MEGF6: variants seen among roughly 807,000 people sequenced by gnomAD.
MEGF6 encodes the protein multiple EGF like domains 6, also known as multiple epidermal growth factor-like domains protein 6.
Under a neutral mutation model 207.1 loss-of-function variants are expected in MEGF6, and 184 were observed. That is an observed-to-expected ratio of 0.89 (90% CI 0.79 to 1.00). The LOEUF is 1.00. Ranked by LOEUF, MEGF6 falls within the 50% of genes least tolerant of loss-of-function variation. The pLI, the probability that MEGF6 is intolerant of heterozygous loss-of-function variation, is 0.00. For synonymous variants in MEGF6, 1,038 were observed against 910.0 expected, an observed-to-expected ratio of 1.14 and a Z score of -2.53; for missense variants, 2,282 against 2,202.9, an observed-to-expected ratio of 1.04 and a Z score of -0.72.
intron 24 of MEGF6, 39 bp downstream of exon 24, chr1:3,499,099 G>A (rs1352287864): frequency 1.9e-6 from 3 of 1,592,756 alleles, no homozygotes; most frequent in East Asian, 2.3e-5. Flanking sequence ...CCTCGCTCAG[G>A]CCTGGACCCC....
At chr1:3,510,215 G>A (rs1416754859) in intron 10 of MEGF6, among the ~76,000 whole-genome samples, 1 of 152,134 alleles carries the variant, frequency 6.6e-6, no homozygotes, top group Non-Finnish European at 1.5e-5. Context: ...GCTAGGGGGG[G>A]CCAGGCTGGG....
In MEGF6 at chr1:3,602,636, A is replaced by C. The variant is rs745931320; in HGVS notation, c.132-36T>G. The C allele has an allele frequency of 1.3e-5, 21 of 1,569,992 alleles. No individual in the cohort carries two copies. The East Asian group carries it at 3.6e-4, about 27-fold the overall frequency. ...GACACGGAGAGTCAGCGCCTCGGCC[A>C]CCCCCAGCCGGCAACACCCACCCCT... On this transcript the variant is annotated intron_variant, in intron 1 of 36. Transcript: ENST00000356575.
rs530123735 is a variant in MEGF6 at position 3,500,886 on chromosome 1, G to A, written c.2575+80C>T. On this transcript the variant is annotated intron_variant, in intron 20 of 36. Coordinates refer to ENST00000356575, the MANE Select transcript of MEGF6 (RefSeq NM_001409.4). ...GGCCTCCTGCAAGCCCCTAGTCCTC[G>A]GGGGCCCTGGGCAGAGGCCTCTCCA... is the stretch of plus-strand genomic sequence containing the variant. The A allele has an allele frequency of 3.3e-5, 53 of 1,601,948 alleles. No homozygotes were observed. The Middle Eastern group carries it at 9.0e-4, about 27-fold the overall frequency.
chr1:3,526,398 ATT>A (rs57377827), intron 4 of MEGF6, among the ~76,000 whole-genome samples: 41 of 130,872 alleles, frequency 3.1e-4, no homozygotes, highest in South Asian at 1.3e-3. Flanking sequence ...GGTGACACCT[ATT>A]TTTTTTTTTT....
intron 4 of MEGF6, chr1:3,531,510 G>GGCCCCGCCCCGA (rs1260662287): frequency 1.9e-6 from 2 of 1,038,648 alleles, no homozygotes; most frequent in South Asian, 9.3e-5. Flanking sequence ...AGCCGCCCCC[G>GGCCCCGCCCCGA]GCCCCGCCCC....
chr1:3,595,463 G>A lies in MEGF6; in HGVS notation c.267-16C>T, dbSNP rs1454340010. 1 of 1,599,682 alleles carries A rather than the reference G, an allele frequency of 6.3e-7. No individual in the cohort carries two copies. The highest frequency in any genetic ancestry group is 2.2e-5 in the East Asian group (1 of 44,816). On this transcript the variant is annotated splice_polypyrimidine_tract_variant and intron_variant, in intron 2 of 36. Coordinates refer to ENST00000356575, the MANE Select transcript of MEGF6 (RefSeq NM_001409.4). ...GTAGACGGTTCTAGAAAGAAAGAGA[G>A]AAGGGAAGTGCTTACCGTCGCGGGA...
At position 3,494,510 on chromosome 1, in the gene MEGF6, G is replaced by A. The variant is rs78880507; in HGVS notation, c.4001-11C>T. The A allele has an allele frequency of 4.4e-4, 704 of 1,585,014 alleles. 3 individuals are homozygous for A. In the African/African-American group the frequency reaches 8.2e-3, roughly 19 times the overall value. ...GCCCAGGGGGACAGGCTGGGGACAG[G>A]GCAGGGTGGGCAGTCCTTCGGCACC... On this transcript the variant is annotated splice_polypyrimidine_tract_variant and intron_variant, in intron 31 of 36. Transcript: ENST00000356575.
At chr1:3,593,817 C>A (rs908931389) in intron 3 of MEGF6, among the ~76,000 whole-genome samples, 2 of 151,564 alleles carry the variant, frequency 1.3e-5, no homozygotes, top group African/African-American at 4.8e-5. Context: ...CTCCGAGGGG[C>A]GGCTGGCCAG....
At chr1:3,563,827 G>A (rs980260398) in intron 4 of MEGF6, among the ~76,000 whole-genome samples, 5 of 152,206 alleles carry the variant, frequency 3.3e-5, no homozygotes, top group South Asian at 2.1e-4. Flanking sequence ...TGTGGGAGGC[G>A]CAGGCCCTGC....
At chr1:3,552,525 G>A (rs7355038) in intron 4 of MEGF6, among the ~76,000 whole-genome samples, 14,393 of 152,236 alleles carry the variant, frequency 0.095, 1,043 homozygotes, top group African/African-American at 0.21. Flanking sequence ...ATGAGATCCC[G>A]TCTCTACAAA....
At chr1:3,554,880 C>T (rs368326692) in intron 4 of MEGF6, among the ~76,000 whole-genome samples, 1 of 152,202 alleles carries the variant, frequency 6.6e-6, no homozygotes. Context: ...GTGGACATCG[C>T]GGGGCCACTA....
At chr1:3,578,350 C>T (rs1186405504) in intron 4 of MEGF6, among the ~76,000 whole-genome samples, 1 of 152,254 alleles carries the variant, frequency 6.6e-6, no homozygotes, top group Non-Finnish European at 1.5e-5. Flanking sequence ...TCAACTCCCA[C>T]CTGTGGCCAA....
At chr1:3,621,537 A>G in the MEGF6 span, among the ~76,000 whole-genome samples, 1 of 152,230 alleles carries the variant, frequency 6.6e-6, no homozygotes, top group Non-Finnish European at 1.5e-5. Flanking sequence ...AATCATATCT[A>G]TGATCTAGAT....
upstream of MEGF6, chr1:3,611,598 C>T: frequency 4.6e-6 from 1 of 216,050 alleles, no homozygotes. Context: ...TCGCCCGCCC[C>T]CTGCGCCCTC....
At chr1:3,582,363 C>T (rs1439591283) in intron 3 of MEGF6, among the ~76,000 whole-genome samples, 2 of 152,204 alleles carry the variant, frequency 1.3e-5, no homozygotes, top group Admixed American at 6.5e-5. Flanking sequence ...TAGCCCCGTA[C>T]GCACTGGATC....
At chr1:3,534,233 A>G (rs536927688) in intron 4 of MEGF6, among the ~76,000 whole-genome samples, 1 of 152,358 alleles carries the variant, frequency 6.6e-6, no homozygotes, top group East Asian at 1.9e-4. Context: ...TTAGCAAGAA[A>G]GAATAGAAGA....
In MEGF6 at chr1:3,598,427, G is replaced by A. The variant is rs188324150; in HGVS notation, c.267-2980C>T. 2.8e-3 allele frequency among the ~76,000 whole-genome samples: 422 copies of A among 152,346 alleles called. 1 individual carries two copies. The highest frequency in any genetic ancestry group is 0.01 in the East Asian group (54 of 5,176). On this transcript the variant is annotated intron_variant, in intron 2 of 36. Transcript: ENST00000356575. Reference sequence around the variant, plus strand: ...TGGCAGGACATGAAACCACTTGCCCGGACAGAAACCGACCACCACGGCGAA... The same window carrying A: ...TGGCAGGACATGAAACCACTTGCCCAGACAGAAACCGACCACCACGGCGAA...
chr1:3,563,562 G>A (rs1427543399), intron 4 of MEGF6, among the ~76,000 whole-genome samples: 5 of 152,232 alleles, frequency 3.3e-5, no homozygotes, highest in Non-Finnish European at 7.3e-5. Flanking sequence ...ACCCGGGAAA[G>A]GCCAGCAGAC....
At chr1:3,512,417 C>T (rs1641386272) in intron 7 of MEGF6, among the ~76,000 whole-genome samples, 1 of 152,260 alleles carries the variant, frequency 6.6e-6, no homozygotes, top group Non-Finnish European at 1.5e-5. Flanking sequence ...GAACCACACA[C>T]CACGACACCC....
Sources: gnomAD v4.1 joint callset for allele counts (sites outside exome capture counted in the v4.1 genomes callset) on GRCh38, gnomAD v4.1.1 for gene constraint, MANE v1.5 for transcripts, NCBI Gene and HGNC (gene_info 2026-07-23, HGNC 2026-07-21) for gene names.